RETNLB: variants seen among roughly 807,000 people sequenced by gnomAD.
The protein encoded by RETNLB is resistin like beta.
RETNLB carries 11 observed loss-of-function variants against 6.8 expected under a neutral mutation model. That is an observed-to-expected ratio of 1.62 (90% confidence interval 1.02 to 2.68). The LOEUF (loss-of-function observed/expected upper bound fraction) is 2.68. Among genes scored for constraint, RETNLB ranks in the 30% most tolerant of loss-of-function variants. RETNLB has a pLI of 0.00. For missense variants in RETNLB, 146 were observed against 135.7 expected, an observed-to-expected ratio of 1.08 and a Z score of -0.38; for synonymous variants, 57 against 54.2, an observed-to-expected ratio of 1.05 and a Z score of -0.23.
rs1945244768 is a variant in RETNLB, at chr3:108,755,785, A to T, written c.329T>A (p.Leu110Gln). ...TTCTCAGCCTCCTCCCTGTCAGGTC[A>T]GGTGGCAGCAGCGGGCAGTGGTCCA... ...VDWTTARCCH[L>Q]T is the part of the protein sequence containing the mutation. The change falls in exon 3 of 3, where the codon CTG (leucine) becomes CAG (glutamine). Residue 110 changes from leucine (L) to glutamine (Q), a missense_variant. Coordinates refer to ENST00000295755, the MANE Select transcript of RETNLB (RefSeq NM_032579.3). 1 of 1,613,792 alleles carries T rather than the reference A, an allele frequency of 6.2e-7. No homozygotes were observed. Among genetic ancestry groups the T allele is most frequent in the Non-Finnish European group, 8.5e-7 (1 of 1,179,806 alleles).
chr3:108,756,031 C>G, intron 2 of RETNLB, 126 bp from the exon 3 acceptor site: 1 of 1,025,964 alleles, frequency 9.7e-7, no homozygotes, highest in African/African-American at 1.6e-5. Context: ...GCCTCAAGCT[C>G]ATTCAATTTT....
chr3:108,757,044 A>G lies in RETNLB; in HGVS notation c.127+15T>C. Reference sequence around the variant, plus strand: ...CAAGGGTCAACCCCCCGCTTCCCCTACCCCAGTCAGTTACCTAGACTGTTG... The same window carrying G: ...CAAGGGTCAACCCCCCGCTTCCCCTGCCCCAGTCAGTTACCTAGACTGTTG... On this transcript the variant is annotated intron_variant, in intron 1 of 2. Coordinates refer to ENST00000295755, the MANE Select transcript of RETNLB (RefSeq NM_032579.3). 3 of 1,611,436 alleles carry G rather than the reference A, an allele frequency of 1.9e-6. No homozygotes were observed. Among genetic ancestry groups the G allele is most frequent in the Non-Finnish European group, 1.7e-6 (2 of 1,178,598 alleles).
At chr3:108,756,960 G>T (rs2107482817) in intron 1 of RETNLB, 99 bp downstream of exon 1, 1 of 1,417,840 alleles carries the variant, frequency 7.1e-7, no homozygotes, top group Non-Finnish European at 9.6e-7. Flanking sequence ...GGTTGGGCTT[G>T]GTTGGGATCT....
Position 108,757,317 on chromosome 3 carries a change from G to A in RETNLB, c.-132C>T, listed in dbSNP as rs182607919. ...CAGGGAGTAAAGATGGAAGAACAGCGTCATCAGTACTGGATCTCTTTAGGC... is the reference window on the plus strand; with the variant it reads ...CAGGGAGTAAAGATGGAAGAACAGCATCATCAGTACTGGATCTCTTTAGGC... On this transcript the variant is annotated 5_prime_UTR_variant, in exon 1 of 3. The change creates a new upstream start codon in the 5' untranslated region. Coordinates refer to ENST00000295755, the MANE Select transcript of RETNLB (RefSeq NM_032579.3). 79 of 1,036,422 alleles carry A rather than the reference G, an allele frequency of 7.6e-5. No individual in the cohort carries two copies. Among genetic ancestry groups the A allele is most frequent in the East Asian group, 1.8e-4 (7 of 39,900 alleles). The allele number at this position is 1,036,422 out of a possible 1,614,324, so 64.2% of individuals were successfully genotyped here.
chr3:108,757,188 T>G lies in RETNLB; in HGVS notation c.-3A>C, dbSNP rs748088132. ...AGGAGGCAAGAGGACGGCCCCATCC[T>G]GTACAGAGTCAGTGTCCTGGGGCTG... On this transcript the variant is annotated 5_prime_UTR_variant, in exon 1 of 3. Coordinates refer to ENST00000295755, the MANE Select transcript of RETNLB (RefSeq NM_032579.3). 91 of 1,612,008 alleles carry G rather than the reference T, an allele frequency of 5.6e-5. No homozygotes were observed. Among genetic ancestry groups the G allele is most frequent in the Non-Finnish European group, 7.6e-5 (90 of 1,179,056 alleles).
intron 2 of RETNLB, 86 bp downstream of exon 2, chr3:108,756,422 C>G (rs917683637): frequency 2.2e-6 from 2 of 930,174 alleles, no homozygotes; most frequent in Non-Finnish European, 3.6e-6. Context: ...ACAGACCTGA[C>G]ATGGGGGAAG....
intron 1 of RETNLB, 22 bp from the exon 2 acceptor site, chr3:108,756,610 G>A (rs1340882853): frequency 6.5e-7 from 1 of 1,528,274 alleles, no homozygotes; most frequent in Admixed American, 1.7e-5. Flanking sequence ...AGAAGAAAGG[G>A]TACATCCCAT....
rs1945246116 is a variant in RETNLB at position 108,755,881 on chromosome 3, C to T, written c.233G>A (p.Cys78Tyr). 6.2e-7 allele frequency: 1 copy of T among 1,614,036 alleles called. No individual in the cohort carries two copies. The highest frequency in any genetic ancestry group is 1.3e-5 in the African/African-American group (1 of 74,910). The change falls in exon 3 of 3, where the codon TGT (cysteine) becomes TAT (tyrosine). Residue 78 changes from cysteine (C) to tyrosine (Y), a missense_variant. Transcript: ENST00000295755. ...ATCCCACGAACCACAGCCATAGCCA[C>T]AAGCACAGCCAGTGACAGCCATCCC... is the stretch of plus-strand genomic sequence containing the variant. ...PAGMAVTGCA[C>Y]GYGCGSWDVQ...
chr3:108,756,970 T>G lies in RETNLB; in HGVS notation c.127+89A>C, dbSNP rs1945254762. On this transcript the variant is annotated intron_variant, in intron 1 of 2. Coordinates refer to ENST00000295755, the MANE Select transcript of RETNLB (RefSeq NM_032579.3). ...TCAGGGGTTGGGCTTGGTTGGGATC[T>G]TGGGATGGGATAGAGACAAAGCTAG... 1.0e-5 allele frequency: 15 copies of G among 1,475,986 alleles called. No homozygotes were observed. The Admixed American group carries it at 2.7e-4, about 27-fold the overall frequency. The allele number at this position is 1,475,986 out of a possible 1,614,324, so 91.4% of individuals were successfully genotyped here. A position where few individuals can be genotyped will look rare whatever the true frequency, so the allele number is the denominator to read the frequency against.
chr3:108,756,487 C>A, intron 2 of RETNLB, 21 bp downstream of exon 2: 1 of 1,536,092 alleles, frequency 6.5e-7, no homozygotes, highest in Non-Finnish European at 9.0e-7. Flanking sequence ...AGTCGCCATT[C>A]CCTCTCAGGG....
Position 108,757,222 on chromosome 3 carries a change from G to A in RETNLB, c.-37C>T. 6.3e-7 allele frequency: 1 copy of A among 1,592,896 alleles called. No homozygotes were observed. The highest frequency in any genetic ancestry group is 8.6e-7 in the Non-Finnish European group (1 of 1,168,872). On this transcript the variant is annotated 5_prime_UTR_variant, in exon 1 of 3. Transcript: ENST00000295755. ...TCAGTGTCCTGGGGCTGGGAGAAAA[G>A]ATGGAAAGCAGCTTAGATCTCTGAG... is the stretch of plus-strand genomic sequence containing the variant.
chr3:108,755,914 G>C lies in RETNLB; in HGVS notation c.209-9C>G. On this transcript the variant is annotated splice_polypyrimidine_tract_variant and intron_variant, in intron 2 of 2. Coordinates refer to ENST00000295755, the MANE Select transcript of RETNLB (RefSeq NM_032579.3). ...GCCAGTGACAGCCATCCCTGCATGA[G>C]CACATGAAGCACAGACATCAGAGCT... 6.2e-7 allele frequency: 1 copy of C among 1,614,134 alleles called. No homozygotes were observed. The highest frequency in any genetic ancestry group is 8.5e-7 in the Non-Finnish European group (1 of 1,179,998).
rs773157629 is a variant in RETNLB at position 108,757,199 on chromosome 3, A to G, written c.-14T>C. On this transcript the variant is annotated 5_prime_UTR_variant, in exon 1 of 3. Transcript: ENST00000295755. ...GGACGGCCCCATCCTGTACAGAGTC[A>G]GTGTCCTGGGGCTGGGAGAAAAGAT... 1 of 1,608,498 alleles carries G rather than the reference A, an allele frequency of 6.2e-7. No individual in the cohort carries two copies. The highest frequency in any genetic ancestry group is 1.7e-5 in the Admixed American group (1 of 59,712).
Position 108,757,193 on chromosome 3 carries a change from A to C in RETNLB, c.-8T>G, listed in dbSNP as rs1402592638. 5 of 1,610,554 alleles carry C rather than the reference A, an allele frequency of 3.1e-6. No individual in the cohort carries two copies. Among genetic ancestry groups the C allele is most frequent in the Non-Finnish European group, 4.2e-6 (5 of 1,178,230 alleles). ...GCAAGAGGACGGCCCCATCCTGTAC[A>C]GAGTCAGTGTCCTGGGGCTGGGAGA... On this transcript the variant is annotated 5_prime_UTR_variant, in exon 1 of 3. Coordinates refer to ENST00000295755, the MANE Select transcript of RETNLB (RefSeq NM_032579.3).
intron 1 of RETNLB, 58 bp downstream of exon 1, chr3:108,757,001 A>G: frequency 1.9e-6 from 3 of 1,573,884 alleles, no homozygotes; most frequent in Non-Finnish European, 1.7e-6. Context: ...GCTAGAGTTT[A>G]AGAACAGGAG....
chr3:108,756,154 G>A (rs373931408), intron 2 of RETNLB, among the ~76,000 whole-genome samples: 4 of 152,098 alleles, frequency 2.6e-5, no homozygotes, highest in Admixed American at 6.5e-5. Context: ...AGTTTTCTTC[G>A]ATTTGTGATA....
intron 1 of RETNLB, 36 bp downstream of exon 1, chr3:108,757,023 G>T: frequency 1.2e-6 from 2 of 1,600,922 alleles, no homozygotes; most frequent in Non-Finnish European, 1.7e-6. Context: ...AATGAGCAAG[G>T]GTCAACCCCC....
intron 1 of RETNLB, 169 bp downstream of exon 1, chr3:108,756,890 C>G (rs1005533508): frequency 6.9e-6 from 5 of 724,552 alleles, no homozygotes; most frequent in Non-Finnish European, 1.1e-5. Context: ...ATCAGGAAAA[C>G]CTCAGCTTTT....
Position 108,757,048 on chromosome 3 carries a change from C to T in RETNLB, c.127+11G>A, listed in dbSNP as rs538758590. 2 of 1,612,136 alleles carry T rather than the reference C, an allele frequency of 1.2e-6. No individual in the cohort carries two copies. Among genetic ancestry groups the T allele is most frequent in the Non-Finnish European group, 1.7e-6 (2 of 1,178,942 alleles). On this transcript the variant is annotated intron_variant, in intron 1 of 2. Coordinates refer to ENST00000295755, the MANE Select transcript of RETNLB (RefSeq NM_032579.3). ...GGTCAACCCCCCGCTTCCCCTACCC[C>T]AGTCAGTTACCTAGACTGTTGAGAA...
Sources: gnomAD v4.1 joint callset for allele counts (sites outside exome capture counted in the v4.1 genomes callset) on GRCh38, gnomAD v4.1.1 for gene constraint, MANE v1.5 for transcripts, NCBI Gene and HGNC (gene_info 2026-07-23, HGNC 2026-07-21) for gene names.